Variants in ANKDD1B observed in about 807,000 individuals in gnomAD.
The protein encoded by ANKDD1B is ankyrin repeat and death domain-containing protein 1B.
In ANKDD1B, 57 loss-of-function variants were observed where a neutral mutation model predicts 59.7. The observed-to-expected ratio is 0.95, with a 90% confidence interval of 0.77 to 1.19. The LOEUF is 1.19. ANKDD1B is among the 50% of genes most tolerant of loss of function. The pLI is 0.00. For missense variants in ANKDD1B, 602 were observed against 641.9 expected, an observed-to-expected ratio of 0.94 and a Z score of 0.67; for synonymous variants, 216 against 239.5, an observed-to-expected ratio of 0.90 and a Z score of 0.91.
chr5:75,636,320 G>A (rs1468289998), intron 7 of ANKDD1B, among the ~76,000 whole-genome samples: 1 of 152,178 alleles, frequency 6.6e-6, no homozygotes, highest in Non-Finnish European at 1.5e-5. Context: ...GTTGGCAGGA[G>A]GGATTTTGAG....
intron 5 of ANKDD1B, among the ~76,000 whole-genome samples, chr5:75,629,409 T>G (rs1253819051): frequency 1.3e-5 from 2 of 152,086 alleles, no homozygotes; most frequent in East Asian, 3.9e-4. Context: ...CACCAGCGCC[T>G]CTCCTCAGGG....
At chr5:75,668,376 G>A (rs1235216348) in intron 12 of ANKDD1B, among the ~76,000 whole-genome samples, 2 of 152,180 alleles carry the variant, frequency 1.3e-5, no homozygotes, top group Admixed American at 6.5e-5. Context: ...TTGATCAAAG[G>A]AGTGACAGAC....
At chr5:75,618,903 A>C (rs1232437841) in intron 2 of ANKDD1B, among the ~76,000 whole-genome samples, 1 of 151,924 alleles carries the variant, frequency 6.6e-6, no homozygotes, top group Non-Finnish European at 1.5e-5. Context: ...ACGCCACCAC[A>C]CCCGGCTAAT....
chr5:75,648,818 T>C (rs1774736081), intron 7 of ANKDD1B, among the ~76,000 whole-genome samples: 1 of 152,138 alleles, frequency 6.6e-6, no homozygotes, highest in African/African-American at 2.4e-5. Context: ...TTGGTTTGCT[T>C]TCACATTTGT....
chr5:75,621,254 C>G (rs1464865873), intron 3 of ANKDD1B, among the ~76,000 whole-genome samples: 2 of 152,178 alleles, frequency 1.3e-5, no homozygotes, highest in Non-Finnish European at 2.9e-5. Flanking sequence ...CCTCTTTAGA[C>G]CAGAATGAGA....
intron 12 of ANKDD1B, among the ~76,000 whole-genome samples, chr5:75,668,883 A>T (rs751722308): frequency 3.3e-5 from 5 of 152,188 alleles, no homozygotes; most frequent in Non-Finnish European, 5.9e-5. Flanking sequence ...CCCCAGACCT[A>T]CTGAATCCAA....
At chr5:75,615,076 T>C (rs1416648237) in intron 1 of ANKDD1B, among the ~76,000 whole-genome samples, 1 of 152,044 alleles carries the variant, frequency 6.6e-6, no homozygotes, top group African/African-American at 2.4e-5. Context: ...AATCTAAACA[T>C]GGTAAGGAGG....
At chr5:75,611,983 T>C (rs990827278) in intron 1 of ANKDD1B, among the ~76,000 whole-genome samples, 156 bp downstream of exon 1, 7 of 152,152 alleles carry the variant, frequency 4.6e-5, no homozygotes, top group Admixed American at 1.3e-4. Context: ...CCTGCACCGC[T>C]GCACTCCCTG....
At chr5:75,652,874 A>G (rs1774867382) in intron 7 of ANKDD1B, among the ~76,000 whole-genome samples, 1 of 152,204 alleles carries the variant, frequency 6.6e-6, no homozygotes, top group South Asian at 2.1e-4. Context: ...AACACACTAT[A>G]TGGTATATCT....
intron 5 of ANKDD1B, among the ~76,000 whole-genome samples, chr5:75,626,536 C>G (rs1271243034): frequency 6.6e-6 from 1 of 152,190 alleles, no homozygotes; most frequent in Non-Finnish European, 1.5e-5. Flanking sequence ...TGAATGATCT[C>G]ATTAACCCCT....
At chr5:75,649,127 G>A (rs1458793396) in intron 7 of ANKDD1B, among the ~76,000 whole-genome samples, 2 of 151,700 alleles carry the variant, frequency 1.3e-5, no homozygotes, top group African/African-American at 4.8e-5. Flanking sequence ...ACTCATTCCT[G>A]GAGGTCCTAC....
intron 5 of ANKDD1B, among the ~76,000 whole-genome samples, chr5:75,631,683 G>A (rs1416821987): frequency 2.0e-5 from 3 of 152,212 alleles, no homozygotes; most frequent in Non-Finnish European, 4.4e-5. Flanking sequence ...TGTGGACCGT[G>A]TCATGAAGAG....
At position 75,617,612 on chromosome 5, in the gene ANKDD1B, G is replaced by A. The variant is rs941361076; in HGVS notation, c.297+705G>A. 2.0e-5 allele frequency among the ~76,000 whole-genome samples: 3 copies of A among 152,296 alleles called. No individual in the cohort carries two copies. The South Asian group carries it at 6.2e-4, about 32-fold the overall frequency. Reference sequence around the variant, plus strand: ...TGTGGAGTGGTTCAAGGTGGGTGTGGCAGAGGTGGATTTAATGGTATACGA... The same window carrying A: ...TGTGGAGTGGTTCAAGGTGGGTGTGACAGAGGTGGATTTAATGGTATACGA... On this transcript the variant is annotated intron_variant, in intron 2 of 13. Coordinates refer to ENST00000601380, the MANE Select transcript of ANKDD1B (RefSeq NM_001276713.2).
chr5:75,621,992 A>G (rs1322344401), intron 3 of ANKDD1B, among the ~76,000 whole-genome samples: 1 of 152,234 alleles, frequency 6.6e-6, no homozygotes, highest in African/African-American at 2.4e-5. Flanking sequence ...TAAATCATCT[A>G]CAGTGGCATT....
In ANKDD1B at chr5:75,666,846, C is replaced by T; in HGVS notation, c.1246C>T (p.Gln416Ter). The T allele has an allele frequency of 6.5e-7, 1 of 1,536,016 alleles. No homozygotes were observed. The highest frequency in any genetic ancestry group is 1.2e-5 in the South Asian group (1 of 84,056). ...AACAGGCTTTACTCTGACATTCAAG[C>T]AAGATCACAGTCTGGAGACCAGACA... The part of the protein sequence containing the change: ...PSTGFTLTFK[Q>*]DHSLETRHIR... Residue 416 changes from glutamine (Q) to a stop codon, truncating the protein, a stop_gained, in exon 12 of 14, where the codon CAA (glutamine) becomes TAA (stop). Transcript: ENST00000601380. LOFTEE classifies it high-confidence loss of function.
chr5:75,635,313 G>A (rs1195472033), intron 6 of ANKDD1B: 1 of 239,410 alleles, frequency 4.2e-6, no homozygotes, highest in Non-Finnish European at 8.2e-6. Flanking sequence ...TATATGAAAG[G>A]GGAGGGGAAA....
At chr5:75,637,996 G>A (rs997505293) in intron 7 of ANKDD1B, among the ~76,000 whole-genome samples, 8 of 152,186 alleles carry the variant, frequency 5.3e-5, no homozygotes, top group Admixed American at 1.3e-4. Context: ...GGTTGACTGA[G>A]CTAGCACTCA....
chr5:75,641,873 C>T (rs564089237), intron 7 of ANKDD1B, among the ~76,000 whole-genome samples: 7 of 152,242 alleles, frequency 4.6e-5, no homozygotes, highest in African/African-American at 1.7e-4. Context: ...AGAAAGCTAG[C>T]TGCATGCATT....
At chr5:75,612,594 G>A (rs146965625) in intron 1 of ANKDD1B, among the ~76,000 whole-genome samples, 2 of 152,026 alleles carry the variant, frequency 1.3e-5, no homozygotes, top group African/African-American at 4.8e-5. Flanking sequence ...ATTTTCAAGG[G>A]CTTAACTATT....
Sources: allele counts gnomAD v4.1 joint callset (sites outside exome capture counted in the v4.1 genomes callset), GRCh38; gene constraint gnomAD v4.1.1; transcripts MANE v1.5; gene names NCBI Gene and HGNC (gene_info 2026-07-23, HGNC 2026-07-21).